Variants in LRP1B observed in about 807,000 individuals in gnomAD.
The protein encoded by LRP1B is low-density lipoprotein receptor-related protein 1B.
In LRP1B, 217 loss-of-function variants were observed where a neutral mutation model predicts 556.6. That is an observed-to-expected ratio of 0.39 (90% CI 0.35 to 0.44). The LOEUF (loss-of-function observed/expected upper bound fraction) is 0.44. Ranked by LOEUF, LRP1B falls within the 20% of genes least tolerant of loss-of-function variation. LRP1B has a pLI of 1.00. For missense variants in LRP1B, 5,053 were observed against 5,620.8 expected, an observed-to-expected ratio of 0.90 and a Z score of 3.23; for synonymous variants, 2,047 against 1,865.8, an observed-to-expected ratio of 1.10 and a Z score of -2.50.
At chr2:141,248,625 A>C (rs928857758) in intron 4 of LRP1B, among the ~76,000 whole-genome samples, 2 of 152,194 alleles carry the variant, frequency 1.3e-5, no homozygotes, top group Non-Finnish European at 2.9e-5. Context: ...GGAAAGCGGC[A>C]GAAGAGATGA....
chr2:141,719,752 TAA>T (rs1692748330), intron 2 of LRP1B, among the ~76,000 whole-genome samples: 1 of 152,040 alleles, frequency 6.6e-6, no homozygotes, highest in Non-Finnish European at 1.5e-5. Context: ...GATTATAAAA[TAA>T]TTAACACAGG....
chr2:140,908,698 A>AT (rs1412863016), intron 21 of LRP1B, among the ~76,000 whole-genome samples: 1 of 152,092 alleles, frequency 6.6e-6, no homozygotes, highest in Non-Finnish European at 1.5e-5. Flanking sequence ...AATTTATAGA[A>AT]TTTTTTTATT....
At chr2:141,305,778 G>T (rs1233216280) in intron 3 of LRP1B, among the ~76,000 whole-genome samples, 1 of 152,152 alleles carries the variant, frequency 6.6e-6, no homozygotes, top group East Asian at 1.9e-4. Context: ...TGCCTAGCTT[G>T]TTGAGAGTGT....
chr2:140,856,865 A>T (rs1692636339), intron 27 of LRP1B, among the ~76,000 whole-genome samples: 1 of 152,220 alleles, frequency 6.6e-6, no homozygotes, highest in African/African-American at 2.4e-5. Context: ...ACGTAAATGT[A>T]TGTGGGTATA....
intron 31 of LRP1B, among the ~76,000 whole-genome samples, chr2:140,817,865 C>A (rs1691182178): frequency 6.6e-6 from 1 of 152,018 alleles, no homozygotes; most frequent in African/African-American, 2.4e-5. Flanking sequence ...CATCACTTAG[C>A]AAATTTAACT....
rs555533079 is a variant in LRP1B at position 140,989,748 on chromosome 2, A to G, written c.2645-91T>C. Reference sequence around the variant, plus strand: ...ATAGTTACAGAAAAGTTACAGTAATAATATTATAGTACAATAAATGTCATA... The same window carrying G: ...ATAGTTACAGAAAAGTTACAGTAATGATATTATAGTACAATAAATGTCATA... On this transcript the variant is annotated intron_variant, in intron 16 of 90. Coordinates refer to ENST00000389484, the MANE Select transcript of LRP1B (RefSeq NM_018557.3). 5.6e-6 allele frequency: 7 copies of G among 1,241,236 alleles called. No homozygotes were observed. In the East Asian group the frequency reaches 9.9e-5, roughly 18 times the overall value. 76.9% of individuals were successfully genotyped at this position (1,241,236 alleles called of 1,614,324 possible).
intron 43 of LRP1B, among the ~76,000 whole-genome samples, chr2:140,587,102 A>G (rs1156479389): frequency 6.6e-6 from 1 of 152,156 alleles, no homozygotes; most frequent in Non-Finnish European, 1.5e-5. Context: ...AGCAGAATGG[A>G]GGAAATGGAA....
rs1463301346 is a variant in LRP1B, at chr2:140,356,195, A to C, written c.11530+147T>G. 8 of 778,274 alleles carry C rather than the reference A, an allele frequency of 1.0e-5. No homozygotes were observed. In the East Asian group the frequency reaches 1.1e-4, roughly 11 times the overall value. 48.2% of individuals were successfully genotyped at this position (778,274 alleles called of 1,614,324 possible). ...CACAAACAAGCTCTTGACCCCAGAG[A>C]CTTTCATTCTCATAAGTGAAATGGT... On this transcript the variant is annotated intron_variant, in intron 75 of 90. Transcript: ENST00000389484.
intron 2 of LRP1B, among the ~76,000 whole-genome samples, chr2:141,790,524 A>C (rs1695578975): frequency 6.6e-6 from 1 of 151,984 alleles, no homozygotes; most frequent in Admixed American, 6.6e-5. Context: ...CTTGAACAAC[A>C]GTAGTCAGGA....
At position 141,331,099 on chromosome 2, in the gene LRP1B, C is replaced by T. The variant is rs76119343; in HGVS notation, c.344-76458G>A. 6.1e-3 allele frequency among the ~76,000 whole-genome samples: 925 copies of T among 152,232 alleles called. 5 individuals carry two copies. Among genetic ancestry groups the T allele is most frequent in the African/African-American group, 0.02 (843 of 41,546 alleles). On this transcript the variant is annotated intron_variant, in intron 3 of 90. Coordinates refer to ENST00000389484, the MANE Select transcript of LRP1B (RefSeq NM_018557.3). ...ACTATATTCGTGGGTAGCTAAAAGC[C>T]AACTTTGCTTTGGCATTGGTGTGAG...
intron 18 of LRP1B, among the ~76,000 whole-genome samples, chr2:140,967,782 C>A (rs1273241626): frequency 6.6e-6 from 1 of 152,014 alleles, no homozygotes; most frequent in Admixed American, 6.6e-5. Context: ...GCCTTTTCTG[C>A]ATCTATTGAA....
chr2:141,139,227 A>G (rs1701570207), intron 7 of LRP1B, among the ~76,000 whole-genome samples: 1 of 151,932 alleles, frequency 6.6e-6, no homozygotes, highest in Non-Finnish European at 1.5e-5. Flanking sequence ...ATGAATCATA[A>G]AATGAAATGT....
intron 31 of LRP1B, among the ~76,000 whole-genome samples, chr2:140,835,682 C>CG (rs1691875390): frequency 6.6e-6 from 1 of 152,106 alleles, no homozygotes; most frequent in Non-Finnish European, 1.5e-5. Context: ...GGATTACAGG[C>CG]GCTCGCCACC....
Position 140,506,900 on chromosome 2 carries a change from T to C in LRP1B, c.8417A>G (p.Asp2806Gly). ...ATTATGGCACATGAAAGCATTTTCA[T>C]CACATGTATTATTGGGAGCTAAGAA... is the stretch of plus-strand genomic sequence containing the variant. ...TAGCAPNNTC[D>G]ENAFMCHNKV... Residue 2806 changes from aspartate to glycine, a missense_variant, in exon 53 of 91, where the codon GAT (aspartate) becomes GGT (glycine). Coordinates refer to ENST00000389484, the MANE Select transcript of LRP1B (RefSeq NM_018557.3). 1 of 1,613,938 alleles carries C rather than the reference T, an allele frequency of 6.2e-7. No homozygotes were observed. The highest frequency in any genetic ancestry group is 8.5e-7 in the Non-Finnish European group (1 of 1,179,930).
chr2:141,879,970 GACT>G (rs3041318), intron 1 of LRP1B, among the ~76,000 whole-genome samples: 54,918 of 151,568 alleles, frequency 0.36, 11,152 homozygotes, highest in Admixed American at 0.48. Flanking sequence ...TCTTTTAAGA[GACT>G]ACATTTGTTA....
At chr2:140,865,018 C>A (rs1016100668) in intron 27 of LRP1B, among the ~76,000 whole-genome samples, 1 of 151,952 alleles carries the variant, frequency 6.6e-6, no homozygotes, top group Non-Finnish European at 1.5e-5. Context: ...AAGCTTGGCT[C>A]CCTCATGCTG....
At chr2:141,704,226 G>A (rs560282871) in intron 2 of LRP1B, among the ~76,000 whole-genome samples, 193 of 151,988 alleles carry the variant, frequency 1.3e-3, no homozygotes, top group Non-Finnish European at 2.3e-3. Flanking sequence ...CACGATGCAC[G>A]GGGATTTTAT....
chr2:140,539,354 C>A (rs1195567822), intron 45 of LRP1B, among the ~76,000 whole-genome samples: 2 of 152,114 alleles, frequency 1.3e-5, no homozygotes, highest in Non-Finnish European at 2.9e-5. Flanking sequence ...ACTTTCTAAT[C>A]TCTCTGCTGG....
At chr2:141,055,504 A>C (rs1699155703) in intron 9 of LRP1B, among the ~76,000 whole-genome samples, 2 of 151,996 alleles carry the variant, frequency 1.3e-5, no homozygotes, top group African/African-American at 2.4e-5. Flanking sequence ...AAATGTGTTT[A>C]TATTAATTTA....
Sources: allele counts gnomAD v4.1 joint callset (sites outside exome capture counted in the v4.1 genomes callset), GRCh38; gene constraint gnomAD v4.1.1; transcripts MANE v1.5; gene names NCBI Gene and HGNC (gene_info 2026-07-23, HGNC 2026-07-21).